Variants in GATAD2A observed in about 807,000 individuals in gnomAD.
GATAD2A encodes the protein transcriptional repressor p66-alpha.
Under a neutral mutation model 68.5 loss-of-function variants are expected in GATAD2A, and 12 were observed. That is an observed-to-expected ratio of 0.18 (90% CI 0.11 to 0.28). The LOEUF (loss-of-function observed/expected upper bound fraction) is 0.28. GATAD2A is among the 10% of genes least tolerant of loss of function. The pLI is 1.00. For missense variants in GATAD2A, 755 were observed against 868.5 expected (o/e 0.87, Z 1.64); for synonymous variants, 410 against 375.3 (o/e 1.09, Z -1.07).
At chr19:19,413,516 G>A (rs1455239407) in intron 1 of GATAD2A, among the ~76,000 whole-genome samples, 3 of 152,126 alleles carry the variant, frequency 2.0e-5, no homozygotes, top group East Asian at 1.9e-4. Flanking sequence ...TCTGTAGTCA[G>A]CTCCTTTCCT....
intron 1 of GATAD2A, among the ~76,000 whole-genome samples, chr19:19,409,782 A>C (rs1340640677): frequency 6.6e-6 from 1 of 152,194 alleles, no homozygotes; most frequent in African/African-American, 2.4e-5. Context: ...CCGCTCGAGC[A>C]TGGGTTCCCC....
In GATAD2A at chr19:19,492,427, G is replaced by A. The variant is rs982750405; in HGVS notation, c.391G>A (p.Glu131Lys). Residue 131 changes from glutamate (E) to lysine (K), a missense_variant, in exon 3 of 12, where the codon GAG becomes AAG. Coordinates refer to ENST00000683918, the MANE Select transcript of GATAD2A (RefSeq NM_001384528.1). ...GGTGGCCTTGAAGGAGACTAGCACC[G>A]AGGCCCTCATGGTGAGCCACGTGTT... is the stretch of plus-strand genomic sequence containing the variant. ...TTVALKETST[E>K]ALMKSSPEER... 5 of 1,613,804 alleles carry A rather than the reference G, an allele frequency of 3.1e-6. No homozygotes were observed. Among genetic ancestry groups the A allele is most frequent in the African/African-American group, 1.3e-5 (1 of 74,944 alleles).
intron 9 of GATAD2A, 94 bp from the exon 10 acceptor site, chr19:19,501,875 C>A (rs1329088145): frequency 1.1e-6 from 1 of 895,262 alleles, no homozygotes; most frequent in Non-Finnish European, 1.8e-6. Flanking sequence ...CTAAAGTCCC[C>A]AGGGGACGGG....
intron 1 of GATAD2A, chr19:19,429,257 G>C: frequency 6.1e-6 from 6 of 984,474 alleles, no homozygotes; most frequent in African/African-American, 1.7e-5. Context: ...AGGGGCTGGG[G>C]GGGAGAGCTT....
At chr19:19,461,284 G>A (rs2057408201) in intron 1 of GATAD2A, among the ~76,000 whole-genome samples, 1 of 152,232 alleles carries the variant, frequency 6.6e-6, no homozygotes, top group Non-Finnish European at 1.5e-5. Context: ...TTTTATGGTA[G>A]AGTTAGTATT....
rs563728396 is a variant in GATAD2A, at chr19:19,481,006, T to C, written c.270-11300T>C. 2.0e-5 allele frequency among the ~76,000 whole-genome samples: 3 copies of C among 152,318 alleles called. No homozygotes were observed. The South Asian group carries it at 6.2e-4, about 32-fold the overall frequency. On this transcript the variant is annotated intron_variant, in intron 2 of 11. Coordinates refer to ENST00000683918, the MANE Select transcript of GATAD2A (RefSeq NM_001384528.1). ...GGCTTTCATGCACACAGGTGACTTCTCTCTCCCTGTGTATTGGCGAGGAAG... is the reference window on the plus strand; with the variant it reads ...GGCTTTCATGCACACAGGTGACTTCCCTCTCCCTGTGTATTGGCGAGGAAG...
chr19:19,492,204 G>A, intron 2 of GATAD2A, 102 bp from the exon 3 acceptor site: 2 of 1,227,044 alleles, frequency 1.6e-6, no homozygotes, highest in South Asian at 2.9e-5. Flanking sequence ...GGCAGACAGG[G>A]AACAGACGGG....
chr19:19,442,671 G>A (rs559944351), intron 1 of GATAD2A, among the ~76,000 whole-genome samples: 15 of 151,298 alleles, frequency 9.9e-5, no homozygotes, highest in African/African-American at 3.4e-4. Context: ...GTGGTTATAC[G>A]CACCTGCCAT....
At chr19:19,404,458 A>G (rs541158782), upstream of GATAD2A, among the ~76,000 whole-genome samples, 2 of 152,178 alleles carry the variant, frequency 1.3e-5, no homozygotes, top group South Asian at 4.1e-4. Flanking sequence ...ATGCGAACAG[A>G]TCACGACATC....
At chr19:19,438,622 A>T (rs958707252) in intron 1 of GATAD2A, among the ~76,000 whole-genome samples, 4 of 152,216 alleles carry the variant, frequency 2.6e-5, no homozygotes, top group Admixed American at 6.5e-5. Context: ...CAATGAATAA[A>T]TGAATGGAGG....
intron 1 of GATAD2A, among the ~76,000 whole-genome samples, chr19:19,443,955 T>A (rs894447856): frequency 1.3e-5 from 2 of 152,014 alleles, no homozygotes; most frequent in Admixed American, 1.3e-4. Flanking sequence ...TCTTACACAC[T>A]CTTATTTTCT....
intron 1 of GATAD2A, among the ~76,000 whole-genome samples, chr19:19,406,725 AG>A (rs2050318091): frequency 6.6e-6 from 1 of 152,176 alleles, no homozygotes; most frequent in South Asian, 2.1e-4. Context: ...GGCCTTTTAA[AG>A]GGATTATTGC....
rs2054945081 is a variant in GATAD2A, at chr19:19,440,892, TCTTTC to T, written c.-6-24444_-6-24440del. ...ATAAAGGTAAACAAATTTATTTCCT[TCTTTC>T]CTTCCCTTCCTTTCCTTCCTTCCCT... On this transcript the variant is annotated intron_variant, in intron 1 of 11. Coordinates refer to ENST00000683918, the MANE Select transcript of GATAD2A (RefSeq NM_001384528.1). Among the ~76,000 whole-genome samples the T allele has an allele frequency of 3.3e-5, 5 of 152,060 alleles. No homozygotes were observed. In the South Asian group the frequency reaches 1.0e-3, roughly 32 times the overall value.
chr19:19,472,377 A>C (rs1038170624), intron 2 of GATAD2A: 2 of 150,654 alleles, frequency 1.3e-5, no homozygotes, highest in African/African-American at 4.9e-5. Context: ...CTTGTTGCCC[A>C]GACTGGAGTG....
chr19:19,460,981 G>A (rs1196034080), intron 1 of GATAD2A, among the ~76,000 whole-genome samples: 3 of 152,078 alleles, frequency 2.0e-5, no homozygotes, highest in South Asian at 2.1e-4. Flanking sequence ...GCTCTGCCTC[G>A]TGTCCCCACA....
At chr19:19,461,147 C>T (rs1023780691) in intron 1 of GATAD2A, among the ~76,000 whole-genome samples, 1 of 152,166 alleles carries the variant, frequency 6.6e-6, no homozygotes, top group Non-Finnish European at 1.5e-5. Flanking sequence ...TAAAATCCAC[C>T]GTTAAGAGCA....
At chr19:19,458,546 TA>T (rs2057145414) in intron 1 of GATAD2A, 1 of 152,212 alleles carries the variant, frequency 6.6e-6, no homozygotes, top group Non-Finnish European at 1.5e-5. Context: ...ATTGAGAGCT[TA>T]ACATTGAGTT....
At chr19:19,432,791 A>ATG (rs766042222) in intron 1 of GATAD2A, among the ~76,000 whole-genome samples, 2 of 152,136 alleles carry the variant, frequency 1.3e-5, no homozygotes, top group Non-Finnish European at 2.9e-5. Context: ...TGAAGTGGGG[A>ATG]TGGGATGCTT....
chr19:19,496,366 G>A lies in GATAD2A; in HGVS notation c.924+147G>A. Reference sequence around the variant, plus strand: ...TCTTTCAGAGCCAGGCAGGGGCTTGGACTTGAGCTCCTGGGGGCCACAGGG... The same window carrying A: ...TCTTTCAGAGCCAGGCAGGGGCTTGAACTTGAGCTCCTGGGGGCCACAGGG... On this transcript the variant is annotated intron_variant, in intron 7 of 11. Transcript: ENST00000683918. The A allele has an allele frequency of 4.1e-6, 3 of 737,394 alleles. No homozygotes were observed. The South Asian group carries it at 5.2e-5, about 13-fold the overall frequency. The allele number at this position is 737,394 out of a possible 1,614,324, so 45.7% of individuals were successfully genotyped here. A position where few individuals can be genotyped will look rare whatever the true frequency, so the allele number is the denominator to read the frequency against.
Sources: gnomAD v4.1 joint callset for allele counts (sites outside exome capture counted in the v4.1 genomes callset) on GRCh38, gnomAD v4.1.1 for gene constraint, MANE v1.5 for transcripts, NCBI Gene and HGNC (gene_info 2026-07-23, HGNC 2026-07-21) for gene names.